The following THSD7A variants were observed in gnomAD, a reference collection of about 807,000 sequenced individuals.
The protein encoded by THSD7A is thrombospondin type-1 domain-containing protein 7A.
THSD7A carries 96 observed loss-of-function variants against 231.3 expected under a neutral mutation model. The observed-to-expected ratio is 0.41, with a 90% confidence interval of 0.35 to 0.49. The LOEUF is 0.49. Ranked by LOEUF, THSD7A falls within the 20% of genes least tolerant of loss-of-function variation. The probability of loss-of-function intolerance (pLI) is 0.05; values close to 1 mark genes in which losing one functional copy is unlikely to be tolerated. For missense variants in THSD7A, 2,290 were observed against 2,070.2 expected (o/e 1.11, Z -2.06); for synonymous variants, 940 against 743.3 (o/e 1.26, Z -4.30).
chr7:11,781,070 T>A (rs1248610344), intron 1 of THSD7A, among the ~76,000 whole-genome samples: 1 of 122,082 alleles, frequency 8.2e-6, no homozygotes, highest in Non-Finnish European at 1.7e-5. Flanking sequence ...CAATGAAATA[T>A]CACAGAGGAT....
Position 11,474,376 on chromosome 7 carries a change from A to T in THSD7A, c.2210T>A (p.Val737Asp). The T allele has an allele frequency of 6.2e-7, 1 of 1,613,398 alleles. No individual in the cohort carries two copies. Among genetic ancestry groups the T allele is most frequent in the Non-Finnish European group, 8.5e-7 (1 of 1,179,530 alleles). The change falls in exon 8 of 28, where the codon GTC becomes GAC. Residue 737 changes from valine (V) to aspartate (D), a missense_variant. Physicochemically the swap from Val to Asp is radical, Grantham distance 152. Coordinates refer to ENST00000423059, the MANE Select transcript of THSD7A (RefSeq NM_015204.3). This position sits in a 1 kb window ranked among gnomAD's most constrained non-coding sequence, Gnocchi z 4.1. The stretch of plus-strand genomic sequence containing the variant: ...GCCCACATTGACTCGCACACAGATG[A>T]CTTTTCTTGTCTGCATGCCGACAGA... ...SCSVGMQTRK[V>D]ICVRVNVGQV...
At chr7:11,462,167 C>G in intron 9 of THSD7A, 24 bp from the exon 10 acceptor site, 1 of 1,612,498 alleles carries the variant, frequency 6.2e-7, no homozygotes, top group Non-Finnish European at 8.5e-7. Context: ...GTTTTTTAAC[C>G]TCTGTACTTT....
At chr7:11,815,929 A>G (rs896477553) in intron 1 of THSD7A, among the ~76,000 whole-genome samples, 2 of 152,026 alleles carry the variant, frequency 1.3e-5, no homozygotes, top group South Asian at 2.1e-4. Flanking sequence ...CCCTGGAAAC[A>G]TGCCATTTAA....
At chr7:11,663,800 T>A (rs12670280) in intron 1 of THSD7A, among the ~76,000 whole-genome samples, 6,749 of 151,666 alleles carry the variant, frequency 0.044, 180 homozygotes, top group East Asian at 0.13. Flanking sequence ...TGGGTAAAAG[T>A]ACAGGATATA....
intron 6 of THSD7A, among the ~76,000 whole-genome samples, chr7:11,501,792 C>A (rs1787346711): frequency 6.6e-6 from 1 of 152,014 alleles, no homozygotes; most frequent in Non-Finnish European, 1.5e-5. Flanking sequence ...CAGAGCTGAA[C>A]TGGAGGAAAT....
rs368871103 is a variant in THSD7A at position 11,546,582 on chromosome 7, T to C, written c.1454-3465A>G. 1.2e-3 allele frequency among the ~76,000 whole-genome samples: 189 copies of C among 152,240 alleles called. 6 individuals carry two copies. The South Asian group carries it at 0.034, about 28-fold the overall frequency. Reference sequence around the variant, plus strand: ...TAAGCCACATTCAACAGACAGCAGTTTCAAAGATTTAAGGAACATCAGCCC... The same window carrying C: ...TAAGCCACATTCAACAGACAGCAGTCTCAAAGATTTAAGGAACATCAGCCC... On this transcript the variant is annotated intron_variant, in intron 4 of 27. Transcript: ENST00000423059.
intron 9 of THSD7A, among the ~76,000 whole-genome samples, chr7:11,465,134 G>A (rs534183577): frequency 6.6e-6 from 1 of 152,092 alleles, no homozygotes; most frequent in Non-Finnish European, 1.5e-5. Context: ...TAAGACAAGA[G>A]TCACATATAG....
chr7:11,501,171 C>T (rs148257027), intron 6 of THSD7A, among the ~76,000 whole-genome samples: 1 of 152,060 alleles, frequency 6.6e-6, no homozygotes, highest in Non-Finnish European at 1.5e-5. Flanking sequence ...ACTCCCCACA[C>T]AATAATAGTG....
intron 1 of THSD7A, among the ~76,000 whole-genome samples, chr7:11,662,541 T>C (rs140394407): frequency 2.6e-5 from 4 of 151,316 alleles, no homozygotes; most frequent in African/African-American, 9.7e-5. Context: ...AACAACATGA[T>C]TAACAAAATA....
rs568482348 is a variant in THSD7A at position 11,579,686 on chromosome 7, A to G, written c.1453+10774T>C. 3.9e-5 allele frequency among the ~76,000 whole-genome samples: 6 copies of G among 152,290 alleles called. No individual in the cohort carries two copies. In the South Asian group the frequency reaches 8.3e-4, roughly 21 times the overall value. ...TACTAGCAAAGTATTGTGAGTTTCT[A>G]AAGATTTAGAGCTCAGGGATCTAAA... On this transcript the variant is annotated intron_variant, in intron 4 of 27. Transcript: ENST00000423059.
chr7:11,494,154 TAGTC>T (rs1396467724), intron 6 of THSD7A, among the ~76,000 whole-genome samples: 1 of 152,010 alleles, frequency 6.6e-6, no homozygotes, highest in Non-Finnish European at 1.5e-5. Flanking sequence ...GTGGCACAAA[TAGTC>T]AGTTGATGTG....
At chr7:11,491,063 T>A (rs1445674929) in intron 6 of THSD7A, among the ~76,000 whole-genome samples, 2 of 152,110 alleles carry the variant, frequency 1.3e-5, no homozygotes, top group African/African-American at 2.4e-5. Flanking sequence ...TTTGATGTAC[T>A]TAATCATTTT....
chr7:11,528,161 C>G (rs1788556540), intron 6 of THSD7A, among the ~76,000 whole-genome samples: 1 of 151,968 alleles, frequency 6.6e-6, no homozygotes, highest in Admixed American at 6.6e-5. Flanking sequence ...GAGTGAGACC[C>G]ATTCTCTAAA....
intron 4 of THSD7A, among the ~76,000 whole-genome samples, chr7:11,563,572 G>C (rs1790167958): frequency 6.6e-6 from 1 of 152,064 alleles, no homozygotes; most frequent in African/African-American, 2.4e-5. Flanking sequence ...ATGTTGGCCA[G>C]GCTGGTTTCA....
chr7:11,811,947 C>G (rs1019549751), intron 1 of THSD7A, among the ~76,000 whole-genome samples: 79 of 152,090 alleles, frequency 5.2e-4, no homozygotes, highest in African/African-American at 1.9e-3. Context: ...CTTGAAAAAG[C>G]TTTCCTGAAA....
At chr7:11,745,848 C>T (rs1407901980) in intron 1 of THSD7A, among the ~76,000 whole-genome samples, 1 of 152,054 alleles carries the variant, frequency 6.6e-6, no homozygotes, top group Non-Finnish European at 1.5e-5. Flanking sequence ...GTTACTGTAG[C>T]CTTCTAGTAT....
intron 1 of THSD7A, among the ~76,000 whole-genome samples, chr7:11,783,721 C>T (rs1783702326): frequency 6.6e-6 from 1 of 152,012 alleles, no homozygotes; most frequent in Non-Finnish European, 1.5e-5. Flanking sequence ...GAAGCACTGA[C>T]AATATTTGTT....
intron 6 of THSD7A, among the ~76,000 whole-genome samples, chr7:11,489,548 G>A (rs1360417127): frequency 1.3e-5 from 2 of 152,030 alleles, no homozygotes; most frequent in African/African-American, 4.8e-5. Context: ...ATAGTGCTCT[G>A]AGCTCCCAGT....
chr7:11,806,701 C>A (rs1023947976), intron 1 of THSD7A, among the ~76,000 whole-genome samples: 1 of 152,076 alleles, frequency 6.6e-6, no homozygotes, highest in African/African-American at 2.4e-5. Context: ...AAAAACAGAG[C>A]ATTGTTCAGA....
Sources: allele counts gnomAD v4.1 joint callset (sites outside exome capture counted in the v4.1 genomes callset), GRCh38; gene constraint gnomAD v4.1.1; non-coding constraint Gnocchi (gnomAD v3.1); transcripts MANE v1.5; gene names NCBI Gene and HGNC (gene_info 2026-07-23, HGNC 2026-07-21).